Variants in XIRP2 observed in about 807,000 individuals in gnomAD.
XIRP2 encodes xin actin binding repeat containing 2.
Under a neutral mutation model 277.0 loss-of-function variants are expected in XIRP2, and 236 were observed. The observed-to-expected ratio is 0.85, with a 90% CI of 0.77 to 0.95. XIRP2 has a LOEUF of 0.95. XIRP2 is among the 40% of genes least tolerant of loss of function. The pLI, the probability that XIRP2 is intolerant of heterozygous loss-of-function variation, is 0.00. For synonymous variants in XIRP2, 1,490 were observed against 1,416.5 expected, an observed-to-expected ratio of 1.05 and a Z score of -1.17; for missense variants, 4,640 against 4,157.5, an observed-to-expected ratio of 1.12 and a Z score of -3.19.
chr2:167,210,754 G>A lies in XIRP2; in HGVS notation c.582G>A (p.Lys194=), dbSNP rs775835293. The change falls in exon 4 of 11, where the codon AAG becomes AAA. Residue 194 remains lysine, a synonymous_variant. Transcript: ENST00000409195. ...RIFEATAGPN[K]PESGFAEDSA... ...TTTCAGCGACTGCTGGCCCTAATAA[G>A]CCTGAGAGTGGATTTGCAGAAGACA... The A allele has an allele frequency of 6.2e-7, 1 of 1,614,180 alleles. No individual in the cohort carries two copies. Among genetic ancestry groups the A allele is most frequent in the South Asian group, 1.1e-5 (1 of 91,082 alleles).
intron 2 of XIRP2, among the ~76,000 whole-genome samples, chr2:167,125,096 T>C (rs987476727): frequency 6.6e-6 from 1 of 152,164 alleles, no homozygotes; most frequent in African/African-American, 2.4e-5. Context: ...TCTTGACCCT[T>C]CTAAAGTGAT....
chr2:167,045,872 C>G (rs182305072), intron 2 of XIRP2, among the ~76,000 whole-genome samples: 8 of 152,130 alleles, frequency 5.3e-5, no homozygotes, highest in Admixed American at 4.6e-4. Flanking sequence ...ACCCAACAAT[C>G]CCATTACAGA....
At chr2:167,242,485 G>A (rs1417878867) in intron 8 of XIRP2, 84 bp from the exon 9 acceptor site, 4 of 1,424,764 alleles carry the variant, frequency 2.8e-6, no homozygotes, top group Non-Finnish European at 3.8e-6. Flanking sequence ...GAGGGTCCAG[G>A]TTACAGACCA....
chr2:167,113,586 T>G (rs893364579), intron 2 of XIRP2, among the ~76,000 whole-genome samples: 12 of 152,190 alleles, frequency 7.9e-5, no homozygotes, highest in Admixed American at 7.9e-4. Flanking sequence ...TGGCCCTGCT[T>G]CTTTATCCAT....
intron 9 of XIRP2, among the ~76,000 whole-genome samples, chr2:167,252,381 C>A (rs888059760): frequency 6.6e-6 from 1 of 151,952 alleles, no homozygotes; most frequent in Non-Finnish European, 1.5e-5. Flanking sequence ...GTCTGAGACA[C>A]AATTTACATT....
chr2:167,150,970 G>A (rs2105331397), intron 3 of XIRP2, among the ~76,000 whole-genome samples: 1 of 152,082 alleles, frequency 6.6e-6, no homozygotes, highest in Admixed American at 6.6e-5. Flanking sequence ...CAAGAGACTT[G>A]CAAGTTTAAA....
chr2:167,001,464 C>T (rs1440023764), intron 2 of XIRP2, among the ~76,000 whole-genome samples: 2 of 152,104 alleles, frequency 1.3e-5, no homozygotes, highest in Non-Finnish European at 2.9e-5. Flanking sequence ...TGTTTTCTTA[C>T]TATTTTCTAT....
At chr2:167,197,382 A>G (rs1381302429) in intron 3 of XIRP2, among the ~76,000 whole-genome samples, 1 of 152,244 alleles carries the variant, frequency 6.6e-6, no homozygotes, top group Non-Finnish European at 1.5e-5. Flanking sequence ...TTATTTCAAG[A>G]CAAATTCATT....
chr2:167,104,727 T>C (rs1345476885), intron 2 of XIRP2, among the ~76,000 whole-genome samples: 2 of 152,128 alleles, frequency 1.3e-5, no homozygotes, highest in Non-Finnish European at 1.5e-5. Context: ...TTTGATCTTT[T>C]CCTTTTGCCA....
At position 167,250,499 on chromosome 2, in the gene XIRP2, C is replaced by G. The variant is rs187494067; in HGVS notation, c.9107C>G (p.Ser3036Cys). Residue 3036 changes from serine (S) to cysteine (C), a missense_variant, in exon 9 of 11, where the codon TCC (serine) becomes TGC (cysteine). Transcript: ENST00000409195. Reference sequence around the variant, plus strand: ...AATATAATTCAGACAGCCATGATGTCCTCCAAAACAGGAAAACCGGGAAAT... The same window carrying G: ...AATATAATTCAGACAGCCATGATGTGCTCCAAAACAGGAAAACCGGGAAAT... ...YENIIQTAMM[S>C]SKTGKPGNKP... 462 of 1,613,526 alleles carry G rather than the reference C, an allele frequency of 2.9e-4. 3 individuals carry two copies. In the African/African-American group the frequency reaches 5.1e-3, roughly 18 times the overall value.
intron 2 of XIRP2, among the ~76,000 whole-genome samples, chr2:166,978,581 C>T (rs780355064): frequency 6.6e-6 from 1 of 152,266 alleles, no homozygotes; most frequent in East Asian, 1.9e-4. Context: ...AAGTCTTGCA[C>T]ATATTTGTTG....
Position 167,245,020 on chromosome 2 carries a change from G to T in XIRP2, c.3628G>T (p.Asp1210Tyr). ...MRYKFENQSL[D>Y]SISSSSEEVL... ...GTATAAATTTGAAAATCAGTCCTTA[G>T]ATTCTATAAGTTCTAGTTCAGAGGA... The change falls in exon 9 of 11, where the codon GAT becomes TAT. Residue 1210 changes from aspartate to tyrosine, a missense_variant. By Grantham distance (160) the Asp-to-Tyr change is radical. Coordinates refer to ENST00000409195, the MANE Select transcript of XIRP2 (RefSeq NM_152381.6). The T allele has an allele frequency of 6.2e-7, 1 of 1,613,256 alleles. No homozygotes were observed. Among genetic ancestry groups the T allele is most frequent in the Non-Finnish European group, 8.5e-7 (1 of 1,179,658 alleles).
chr2:167,122,917 T>C (rs963116697), intron 2 of XIRP2, among the ~76,000 whole-genome samples: 11 of 152,256 alleles, frequency 7.2e-5, no homozygotes, highest in African/African-American at 2.4e-4. Flanking sequence ...GGGACTTCCA[T>C]GGGACTGTGT....
At chr2:166,912,987 G>A (rs922220295) in intron 2 of XIRP2, among the ~76,000 whole-genome samples, 14 of 152,266 alleles carry the variant, frequency 9.2e-5, no homozygotes, top group East Asian at 1.9e-4. Flanking sequence ...AGGGTTACTC[G>A]GCCGTGTGAG....
At chr2:167,218,127 C>A in intron 4 of XIRP2, 39 bp from the exon 5 acceptor site, 5 of 1,475,788 alleles carry the variant, frequency 3.4e-6, no homozygotes, top group Non-Finnish European at 3.6e-6. Context: ...TCCTGCACAG[C>A]TGTAAAGCTG....
intron 2 of XIRP2, among the ~76,000 whole-genome samples, chr2:167,034,654 A>G (rs1442919368): frequency 6.6e-6 from 1 of 152,228 alleles, no homozygotes; most frequent in African/African-American, 2.4e-5. Context: ...CTTATACAAA[A>G]TAGATTTCAA....
rs151240908 is a variant in XIRP2 at position 166,969,102 on chromosome 2, C to T, written c.408+65212C>T. Among the ~76,000 whole-genome samples, 473 of 152,088 alleles carry T rather than the reference C, an allele frequency of 3.1e-3. 4 individuals are homozygous for T. The highest frequency in any genetic ancestry group is 0.011 in the African/African-American group (448 of 41,512). On this transcript the variant is annotated intron_variant, in intron 2 of 10. Coordinates refer to ENST00000409195, the MANE Select transcript of XIRP2 (RefSeq NM_152381.6). ...ACTTTCTCCTCATGGGAAAATATTG[C>T]TTTCCAGAAGTTTCTAAATCTACGT...
chr2:166,920,190 G>T (rs1685000606), intron 2 of XIRP2, among the ~76,000 whole-genome samples: 1 of 152,116 alleles, frequency 6.6e-6, no homozygotes, highest in African/African-American at 2.4e-5. Flanking sequence ...CATGAGCGCT[G>T]CCCTCATTTA....
At chr2:167,238,399 C>A (rs538038635) in intron 5 of XIRP2, among the ~76,000 whole-genome samples, 3 of 152,004 alleles carry the variant, frequency 2.0e-5, no homozygotes, top group Non-Finnish European at 2.9e-5. Flanking sequence ...AAGGCCTCAA[C>A]ATTTTTTTCT....
Sources: allele counts gnomAD v4.1 joint callset (sites outside exome capture counted in the v4.1 genomes callset), GRCh38; gene constraint gnomAD v4.1.1; transcripts MANE v1.5; gene names NCBI Gene and HGNC (gene_info 2026-07-23, HGNC 2026-07-21).